The following PDK1 variants were observed in gnomAD, a reference collection of about 807,000 sequenced individuals.
PDK1 encodes pyruvate dehydrogenase kinase 1.
A neutral mutation model predicts 54.2 loss-of-function variants in PDK1; 39 were observed. The ratio of observed to expected loss-of-function variants is 0.72; its 90% CI spans 0.56 to 0.94. PDK1 has a LOEUF of 0.94. PDK1 is among the 40% of genes least tolerant of loss of function. The probability of loss-of-function intolerance (pLI) is 0.00; values close to 1 mark genes in which losing one functional copy is unlikely to be tolerated. For missense variants in PDK1, 552 were observed against 566.0 expected (o/e 0.98, Z 0.25); for synonymous variants, 221 against 207.1 (o/e 1.07, Z -0.58).
the PDK1 span, among the ~76,000 whole-genome samples, chr2:172,619,384 C>T: frequency 6.6e-6 from 1 of 152,072 alleles, no homozygotes. Flanking sequence ...CTCAGTGGAC[C>T]AGGGGTGGAG....
the PDK1 span, among the ~76,000 whole-genome samples, chr2:172,675,070 G>A: frequency 1.3e-5 from 2 of 152,232 alleles, no homozygotes; most frequent in Non-Finnish European, 2.9e-5. Context: ...GGGGAACCAC[G>A]AAGCACGCTC....
At chr2:172,709,759 T>G in the PDK1 span, among the ~76,000 whole-genome samples, 2 of 152,188 alleles carry the variant, frequency 1.3e-5, no homozygotes. Flanking sequence ...ATAACGGATA[T>G]GCATCAATGA....
At chr2:172,558,015 A>G (rs895695681) in intron 1 of PDK1, 2 of 151,938 alleles carry the variant, frequency 1.3e-5, no homozygotes, top group African/African-American at 2.4e-5. Flanking sequence ...TTTTCTGTAT[A>G]TGTGAGGTCT....
chr2:172,686,289 G>T, the PDK1 span, among the ~76,000 whole-genome samples: 1 of 152,166 alleles, frequency 6.6e-6, no homozygotes, highest in East Asian at 1.9e-4. Context: ...GTCAAGGCGG[G>T]GACTTGGAGA....
the PDK1 span, among the ~76,000 whole-genome samples, chr2:172,643,585 C>A: frequency 6.6e-6 from 1 of 152,180 alleles, no homozygotes; most frequent in Non-Finnish European, 1.5e-5. Context: ...TGGGGACAGG[C>A]CACATCTCCA....
At chr2:172,574,275 A>G (rs1689459169) in intron 8 of PDK1, among the ~76,000 whole-genome samples, 1 of 152,118 alleles carries the variant, frequency 6.6e-6, no homozygotes. Flanking sequence ...TTTCAGTTCT[A>G]TTTCATTGAT....
At chr2:172,684,306 C>T in the PDK1 span, among the ~76,000 whole-genome samples, 147 of 152,154 alleles carry the variant, frequency 9.7e-4, no homozygotes, top group African/African-American at 3.3e-3. Flanking sequence ...CCTATGGTCC[C>T]AACTACTTAG....
chr2:172,568,649 A>T, intron 6 of PDK1, 92 bp from the exon 7 acceptor site: 1 of 793,078 alleles, frequency 1.3e-6, no homozygotes, highest in Non-Finnish European at 2.2e-6. Context: ...CTCCGTAGTT[A>T]ATGTTTTCTT....
the PDK1 span, among the ~76,000 whole-genome samples, chr2:172,633,381 C>CTT: frequency 1.9e-5 from 2 of 103,988 alleles, no homozygotes; most frequent in African/African-American, 7.4e-5. Context: ...GATTTTCTTT[C>CTT]TTTTTTTTTT....
At chr2:172,556,068 C>T (rs1216959119), upstream of PDK1, 7 of 1,082,360 alleles carry the variant, frequency 6.5e-6, no homozygotes, top group South Asian at 2.4e-5. Flanking sequence ...GCCCCTGCTG[C>T]CCGCCACGTC....
At chr2:172,562,747 T>A (rs745649597) in intron 3 of PDK1, 1 of 1,573,184 alleles carries the variant, frequency 6.4e-7, no homozygotes, top group South Asian at 1.1e-5. Context: ...ACAGAAGGCC[T>A]AGAAGAACAT....
the PDK1 span, among the ~76,000 whole-genome samples, chr2:172,688,932 G>A: frequency 6.6e-6 from 1 of 152,200 alleles, no homozygotes; most frequent in Non-Finnish European, 1.5e-5. Flanking sequence ...CGAAGCCACA[G>A]ACCTTCATGG....
intron 9 of PDK1, among the ~76,000 whole-genome samples, chr2:172,589,806 T>C (rs1396296690): frequency 6.6e-6 from 1 of 152,230 alleles, no homozygotes; most frequent in Non-Finnish European, 1.5e-5. Context: ...AAAACCATTT[T>C]CCCATTTATC....
intron 6 of PDK1, among the ~76,000 whole-genome samples, chr2:172,568,104 C>T (rs531635732): frequency 6.6e-6 from 1 of 151,998 alleles, no homozygotes; most frequent in East Asian, 1.9e-4. Context: ...GAGGCCGAGG[C>T]GGGTGGCTCA....
At chr2:172,622,866 A>ATATATGTTTATATATTATATGTAATATG in the PDK1 span, among the ~76,000 whole-genome samples, 29 of 147,204 alleles carry the variant, frequency 2.0e-4, no homozygotes, top group African/African-American at 7.2e-4. Context: ...TATGTAATAT[A>ATATATGTTTATATATTATATGTAATATG]ATATGATATA....
chr2:172,605,402 G>C lies in PDK1; in HGVS notation c.*9433G>C, dbSNP rs1691257439. 1 of 122,592 alleles carries C rather than the reference G, an allele frequency of 8.2e-6. No individual in the cohort carries two copies. Among genetic ancestry groups the C allele is most frequent in the African/African-American group, 3.3e-5 (1 of 29,968 alleles). 7.6% of individuals were successfully genotyped at this position (122,592 alleles called of 1,614,324 possible). On this transcript the variant is annotated 3_prime_UTR_variant, in exon 11 of 11. Transcript: ENST00000282077. ...TTTTTTTTTTTTTTTTGGAAGCAGA[G>C]TCTTGCTCTTTTGCCCAGGCCAGAG...
the PDK1 span, among the ~76,000 whole-genome samples, chr2:172,638,871 A>G: frequency 1.3e-5 from 2 of 152,232 alleles, no homozygotes; most frequent in Non-Finnish European, 2.9e-5. Context: ...TTACATTTGC[A>G]TTTAAAAATG....
At chr2:172,621,476 T>C in the PDK1 span, among the ~76,000 whole-genome samples, 3 of 151,436 alleles carry the variant, frequency 2.0e-5, no homozygotes, top group Non-Finnish European at 4.4e-5. Context: ...AGCTTGCAGA[T>C]GGCCTGTTGT....
Position 172,564,553 on chromosome 2 carries a change from C to T in PDK1, c.461C>T (p.Pro154Leu), listed in dbSNP as rs2149208931. The T allele has an allele frequency of 2.5e-6, 4 of 1,613,996 alleles. No individual in the cohort carries two copies. The highest frequency in any genetic ancestry group is 3.4e-6 in the Non-Finnish European group (4 of 1,179,936). The change falls in exon 4 of 11, where the codon CCC becomes CTC. Residue 154 changes from proline (P) to leucine (L), a missense_variant. Coordinates refer to ENST00000282077, the MANE Select transcript of PDK1 (RefSeq NM_002610.5). Reference sequence around the variant, plus strand: ...AGAAACCGACACAATGATGTCATTCCCACAATGGCCCAGGGTGTGATTGAA... The same window carrying T: ...AGAAACCGACACAATGATGTCATTCTCACAATGGCCCAGGGTGTGATTGAA... ...RIRNRHNDVI[P>L]TMAQGVIEYK...
Sources: allele counts gnomAD v4.1 joint callset (sites outside exome capture counted in the v4.1 genomes callset), GRCh38; gene constraint gnomAD v4.1.1; transcripts MANE v1.5; gene names NCBI Gene and HGNC (gene_info 2026-07-23, HGNC 2026-07-21).